Variants in MRPL48 observed in about 807,000 individuals in gnomAD.
The protein encoded by MRPL48 is large ribosomal subunit protein mL48.
MRPL48 carries 16 observed loss-of-function variants against 32.9 expected under a neutral mutation model. The observed-to-expected ratio is 0.49, with a 90% CI of 0.33 to 0.74. The LOEUF is 0.74. Among genes scored for constraint, MRPL48 ranks in the 30% least tolerant of loss-of-function variants. MRPL48 has a pLI of 0.02. For synonymous variants in MRPL48, 94 were observed against 89.2 expected (o/e 1.05, Z -0.31); for missense variants, 206 against 245.3 (o/e 0.84, Z 1.07).
intron 4 of MRPL48, among the ~76,000 whole-genome samples, chr11:73,839,012 G>A (rs1258707637): frequency 6.6e-6 from 1 of 152,142 alleles, no homozygotes; most frequent in East Asian, 1.9e-4. Context: ...TGGGCCCTGT[G>A]CTAGATAGGA....
In MRPL48 at chr11:73,825,763, T is replaced by G; in HGVS notation, c.168T>G (p.Ile56Met). ...ACAAGACAAAGCCCACCCACGGCATTGGAAAGTACAAGCACTTAATTAAAG... is the reference window on the plus strand; with the variant it reads ...ACAAGACAAAGCCCACCCACGGCATGGGAAAGTACAAGCACTTAATTAAAG... ...RPYKTKPTHG[I>M]GKYKHLIKAE... Residue 56 changes from isoleucine (I) to methionine (M), a missense_variant, in exon 4 of 8, where the codon ATT becomes ATG. Physicochemically the swap from Ile to Met is conservative, Grantham distance 10. Transcript: ENST00000310614. The G allele has an allele frequency of 6.4e-7, 1 of 1,569,366 alleles. No homozygotes were observed. The highest frequency in any genetic ancestry group is 8.6e-7 in the Non-Finnish European group (1 of 1,157,192).
chr11:73,839,197 G>T (rs1055889017), intron 4 of MRPL48, among the ~76,000 whole-genome samples: 1 of 152,056 alleles, frequency 6.6e-6, no homozygotes. Context: ...TCTTCTCTGT[G>T]CTTCCTCAAA....
At chr11:73,851,165 G>T in intron 5 of MRPL48, 1 of 441,810 alleles carries the variant, frequency 2.3e-6, no homozygotes, top group East Asian at 6.8e-5. Flanking sequence ...TCCTGGAACT[G>T]GGCAAACTCC....
At chr11:73,847,379 T>C (rs1948311851) in intron 5 of MRPL48, among the ~76,000 whole-genome samples, 1 of 152,126 alleles carries the variant, frequency 6.6e-6, no homozygotes, top group South Asian at 2.1e-4. Flanking sequence ...CTTTTGTCCA[T>C]TTAAAAAAAT....
chr11:73,831,090 T>C (rs1947985035), intron 4 of MRPL48, among the ~76,000 whole-genome samples: 1 of 152,142 alleles, frequency 6.6e-6, no homozygotes, highest in African/African-American at 2.4e-5. Flanking sequence ...TCCACCTACC[T>C]TGGCCTCCCT....
chr11:73,863,923 C>T (rs1481599710), intron 7 of MRPL48, among the ~76,000 whole-genome samples: 1 of 152,138 alleles, frequency 6.6e-6, no homozygotes, highest in East Asian at 1.9e-4. Flanking sequence ...ACAGAGACAG[C>T]ATGTGCTGGT....
chr11:73,804,676 T>A (rs2134960909), intron 1 of MRPL48, among the ~76,000 whole-genome samples: 1 of 152,276 alleles, frequency 6.6e-6, no homozygotes, highest in South Asian at 2.1e-4. Flanking sequence ...GTTTTCAGAA[T>A]TAAAGAAGAT....
chr11:73,790,062 A>ATT (rs34534770), intron 1 of MRPL48, among the ~76,000 whole-genome samples: 7,903 of 103,224 alleles, frequency 0.077, 764 homozygotes, highest in African/African-American at 0.17. Flanking sequence ...TGCTCAGCTA[A>ATT]TTTTTTTTTT....
chr11:73,797,985 T>C (rs939658263), intron 1 of MRPL48, among the ~76,000 whole-genome samples: 2 of 152,194 alleles, frequency 1.3e-5, no homozygotes, highest in Admixed American at 6.5e-5. Context: ...CTTGTGCTCC[T>C]AACAGCCATA....
chr11:73,833,789 C>T (rs1489150086), intron 4 of MRPL48, among the ~76,000 whole-genome samples: 1 of 152,088 alleles, frequency 6.6e-6, no homozygotes, highest in Admixed American at 6.6e-5. Context: ...ATCTTCTCAC[C>T]CCAGCCTCCA....
intron 3 of MRPL48, among the ~76,000 whole-genome samples, chr11:73,823,409 C>T (rs2515091): frequency 0.085 from 12,933 of 152,146 alleles, 732 homozygotes; most frequent in African/African-American, 0.16. Flanking sequence ...CACACATACA[C>T]ATGTTATCCT....
chr11:73,862,593 T>G (rs550406906), intron 6 of MRPL48, among the ~76,000 whole-genome samples: 1 of 152,000 alleles, frequency 6.6e-6, no homozygotes, highest in African/African-American at 2.4e-5. Context: ...AGAGCAAGAC[T>G]CCGTCTCAAA....
intron 1 of MRPL48, among the ~76,000 whole-genome samples, chr11:73,799,522 C>A (rs1158617999): frequency 7.9e-5 from 12 of 152,098 alleles, no homozygotes; most frequent in African/African-American, 2.9e-4. Context: ...TAGTTGTGTG[C>A]ATTAGGCATG....
Position 73,844,796 on chromosome 11 carries a change from TTTCTC to T in MRPL48, c.202-7_202-3del, listed in dbSNP as rs1167188176. The T allele has an allele frequency of 6.2e-7, 1 of 1,607,078 alleles. No homozygotes were observed. Among genetic ancestry groups the T allele is most frequent in the East Asian group, 2.2e-5 (1 of 44,842 alleles). On this transcript the variant is annotated splice_region_variant and splice_polypyrimidine_tract_variant and intron_variant, in intron 4 of 7. Coordinates refer to ENST00000310614, the MANE Select transcript of MRPL48 (RefSeq NM_016055.6). ...TACTTTATTTTCTTTCTCTCTTTGT[TTTCTC>T]TTCAGCCCAAGAAGAAGAAGGGAAA...
chr11:73,820,013 G>A (rs1043252839), intron 3 of MRPL48, among the ~76,000 whole-genome samples: 2 of 152,140 alleles, frequency 1.3e-5, no homozygotes, highest in East Asian at 1.9e-4. Context: ...TCTCAAGGAC[G>A]GAATAGAGGA....
At chr11:73,836,712 G>A (rs1948110824) in intron 4 of MRPL48, among the ~76,000 whole-genome samples, 1 of 152,174 alleles carries the variant, frequency 6.6e-6, no homozygotes, top group South Asian at 2.1e-4. Flanking sequence ...CCGATATTTG[G>A]AATGAGGATG....
At position 73,840,049 on chromosome 11, in the gene MRPL48, C is replaced by A. The variant is rs1192580064; in HGVS notation, c.202-4758C>A. The stretch of plus-strand genomic sequence containing the variant: ...GGAGTTCCAGGCTGCAGTGAGCTAC[C>A]GTTGTGTCACTGCACTCCAACCTGG... On this transcript the variant is annotated intron_variant, in intron 4 of 7. Transcript: ENST00000310614. 2.0e-5 allele frequency among the ~76,000 whole-genome samples: 3 copies of A among 150,450 alleles called. No individual in the cohort carries two copies. The South Asian group carries it at 6.5e-4, about 32-fold the overall frequency.
chr11:73,844,707 A>G, intron 4 of MRPL48, 100 bp from the exon 5 acceptor site: 1 of 1,376,728 alleles, frequency 7.3e-7, no homozygotes, highest in Non-Finnish European at 9.7e-7. Context: ...AAATGTGAAC[A>G]AATTTATTAG....
chr11:73,827,687 T>C (rs2135016429), intron 4 of MRPL48, among the ~76,000 whole-genome samples: 1 of 152,276 alleles, frequency 6.6e-6, no homozygotes, highest in African/African-American at 2.4e-5. Context: ...TATTTCCTAT[T>C]TACCTCTCTC....
Sources: allele counts gnomAD v4.1 joint callset (sites outside exome capture counted in the v4.1 genomes callset), GRCh38; gene constraint gnomAD v4.1.1; transcripts MANE v1.5; gene names NCBI Gene and HGNC (gene_info 2026-07-23, HGNC 2026-07-21).